Variants in SYNPO2L observed in about 807,000 individuals in gnomAD.
SYNPO2L encodes synaptopodin 2 like, also known as synaptopodin 2-like protein.
In SYNPO2L, 34 loss-of-function variants were observed where a neutral mutation model predicts 47.5. The observed-to-expected ratio is 0.72, with a 90% CI of 0.54 to 0.95. SYNPO2L has a LOEUF of 0.95. Among genes scored for constraint, SYNPO2L ranks in the 40% least tolerant of loss-of-function variants. SYNPO2L has a pLI of 0.00. For synonymous variants in SYNPO2L, 536 were observed against 524.9 expected (o/e 1.02, Z -0.29); for missense variants, 1,246 against 1,282.0 (o/e 0.97, Z 0.43).
rs2081735524 is a variant in SYNPO2L at position 73,645,368 on chromosome 10, A to C, written c.*1350T>G. ...CCAATATGGCATTGTCCCTCGCCAC[A>C]CTTCTGTCTGTGGCTCAATCACTTA... On this transcript the variant is annotated 3_prime_UTR_variant, in exon 4 of 4. Transcript: ENST00000394810. The C allele has an allele frequency of 6.8e-6, 7 of 1,030,384 alleles. No homozygotes were observed. The South Asian group carries it at 2.4e-4, about 35-fold the overall frequency. 63.8% of individuals were successfully genotyped at this position (1,030,384 alleles called of 1,614,324 possible). A position where few individuals can be genotyped will look rare whatever the true frequency, so the allele number is the denominator to read the frequency against.
In SYNPO2L at chr10:73,646,544, C is replaced by T. The variant is rs143952122; in HGVS notation, c.*174G>A. 50 of 1,261,404 alleles carry T rather than the reference C, an allele frequency of 4.0e-5. No individual in the cohort carries two copies. The highest frequency in any genetic ancestry group is 4.6e-5 in the Non-Finnish European group (46 of 1,003,470). The allele number at this position is 1,261,404 out of a possible 1,614,324, so 78.1% of individuals were successfully genotyped here. A position where few individuals can be genotyped will look rare whatever the true frequency, so the allele number is the denominator to read the frequency against. On this transcript the variant is annotated 3_prime_UTR_variant, in exon 4 of 4. Coordinates refer to ENST00000394810, the MANE Select transcript of SYNPO2L (RefSeq NM_001114133.3). ...GCAGACATACTTGGTTGGAAAGCGG[C>T]AGGGAGGTAGAGAGTGAGGAGGAAG... is the stretch of plus-strand genomic sequence containing the variant.
chr10:73,654,387 A>C (rs2081863742), intron 1 of SYNPO2L, 107 bp from the exon 2 acceptor site: 11 of 1,429,314 alleles, frequency 7.7e-6, no homozygotes, highest in Non-Finnish European at 1.0e-5. Flanking sequence ...TTTGCAGGGT[A>C]AGAAGGGTGG....
In SYNPO2L at chr10:73,645,196, C is replaced by T; in HGVS notation, c.*1522G>A. 8.7e-7 allele frequency: 1 copy of T among 1,152,328 alleles called. No homozygotes were observed. The highest frequency in any genetic ancestry group is 1.1e-6 in the Non-Finnish European group (1 of 923,570). The allele number at this position is 1,152,328 out of a possible 1,614,324, so 71.4% of individuals were successfully genotyped here. A position where few individuals can be genotyped will look rare whatever the true frequency, so the allele number is the denominator to read the frequency against. ...AGACTCAAGGAAAATCACACAGACACCAACCGTTCTTTCAACACTCAGCAC... is the reference window on the plus strand; with the variant it reads ...AGACTCAAGGAAAATCACACAGACATCAACCGTTCTTTCAACACTCAGCAC... On this transcript the variant is annotated 3_prime_UTR_variant, in exon 4 of 4. Transcript: ENST00000394810.
chr10:73,646,585 A>G lies in SYNPO2L; in HGVS notation c.*133T>C. ...GAGGAGGAAGGTGGGGGAAGGGGAC[A>G]TCAACTTGGAAACCATCTCTGGCAG... On this transcript the variant is annotated 3_prime_UTR_variant, in exon 4 of 4. Coordinates refer to ENST00000394810, the MANE Select transcript of SYNPO2L (RefSeq NM_001114133.3). The G allele has an allele frequency of 7.6e-7, 1 of 1,323,988 alleles. No homozygotes were observed. 82.0% of individuals were successfully genotyped at this position (1,323,988 alleles called of 1,614,324 possible). A position where few individuals can be genotyped will look rare whatever the true frequency, so the allele number is the denominator to read the frequency against.
In SYNPO2L at chr10:73,648,612, G is replaced by A. The variant is rs904008851; in HGVS notation, c.1040C>T (p.Thr347Ile). The A allele has an allele frequency of 7.4e-6, 12 of 1,614,112 alleles. No homozygotes were observed. The highest frequency in any genetic ancestry group is 8.5e-6 in the Non-Finnish European group (10 of 1,179,958). ...EEAFSDARSL[T>I]NQSDWDSPYL... Reference sequence around the variant, plus strand: ...GGGACTGTCCCAGTCAGATTGATTGGTGAGGCTGCGGGCGTCAGAGAAGGC... The same window carrying A: ...GGGACTGTCCCAGTCAGATTGATTGATGAGGCTGCGGGCGTCAGAGAAGGC... The change falls in exon 4 of 4, where the codon ACC (threonine) becomes ATC (isoleucine). Residue 347 changes from threonine to isoleucine, a missense_variant. Physicochemically the swap from Thr to Ile is moderately conservative, Grantham distance 89. Transcript: ENST00000394810.
rs752046738 is a variant in SYNPO2L, at chr10:73,652,608, T to C, written c.772+531A>G. 3.3e-5 allele frequency among the ~76,000 whole-genome samples: 5 copies of C among 152,226 alleles called. No individual in the cohort carries two copies. The South Asian group carries it at 1.0e-3, about 32-fold the overall frequency. Reference sequence around the variant, plus strand: ...TCGCTTGAACCCGGGAGGCGGAGGTTGCAATGAGCCAAGATCACGCCATTG... The same window carrying C: ...TCGCTTGAACCCGGGAGGCGGAGGTCGCAATGAGCCAAGATCACGCCATTG... On this transcript the variant is annotated intron_variant, in intron 3 of 3. Transcript: ENST00000394810.
intron 3 of SYNPO2L, chr10:73,650,949 G>T: frequency 1.2e-6 from 2 of 1,613,928 alleles, no homozygotes; most frequent in South Asian, 1.1e-5. Context: ...TGGGTCTGGG[G>T]CTTTGTCATA....
intron 3 of SYNPO2L, among the ~76,000 whole-genome samples, chr10:73,650,488 A>G (rs1589454215): frequency 6.6e-6 from 1 of 152,188 alleles, no homozygotes; most frequent in African/African-American, 2.4e-5. Flanking sequence ...TAGGATTGCT[A>G]TAAGGATTAA....
At position 73,648,772 on chromosome 10, in the gene SYNPO2L, C is replaced by T. The variant is rs769101035; in HGVS notation, c.880G>A (p.Gly294Arg). 7 of 1,610,864 alleles carry T rather than the reference C, an allele frequency of 4.3e-6. No homozygotes were observed. Among genetic ancestry groups the T allele is most frequent in the Non-Finnish European group, 5.9e-6 (7 of 1,178,122 alleles). Residue 294 changes from glycine to arginine, a missense_variant, in exon 4 of 4, where the codon GGG (glycine) becomes AGG (arginine). By Grantham distance (125) the Gly-to-Arg change is moderately radical. Around this residue, in one of 3 missense-constraint regions of SYNPO2L, gnomAD observed 1,037 missense variants for 1,021.5 expected, o/e 1.02. Coordinates refer to ENST00000394810, the MANE Select transcript of SYNPO2L (RefSeq NM_001114133.3). Reference sequence around the variant, plus strand: ...CGCCGTTTCTTAAACATAAGTACCCCTTTGGAGTGGGGGTTGGGGGCTGCA... The same window carrying T: ...CGCCGTTTCTTAAACATAAGTACCCTTTTGGAGTGGGGGTTGGGGGCTGCA... ...LTAAPNPHSK[G>R]VLMFKKRRQR...
At position 73,650,649 on chromosome 10, in the gene SYNPO2L, C is replaced by T. The variant is rs555304527; in HGVS notation, c.773-1770G>A. ...TTCTCCCATGACTCACACATACATG[C>T]CTTCATGTATTCATAATGTACTCAC... On this transcript the variant is annotated intron_variant, in intron 3 of 3. Coordinates refer to ENST00000394810, the MANE Select transcript of SYNPO2L (RefSeq NM_001114133.3). The T allele has an allele frequency of 1.6e-4, 151 of 944,624 alleles. 4 individuals are homozygous for T. In the South Asian group the frequency reaches 6.1e-3, roughly 38 times the overall value. The allele number at this position is 944,624 out of a possible 1,614,324, so 58.5% of individuals were successfully genotyped here.
In SYNPO2L at chr10:73,654,270, C is replaced by T; in HGVS notation, c.116G>A (p.Arg39Gln). 8 of 1,551,468 alleles carry T rather than the reference C, an allele frequency of 5.2e-6. No individual in the cohort carries two copies. Among genetic ancestry groups the T allele is most frequent in the South Asian group, 1.2e-5 (1 of 84,026 alleles). ...GAGTCCTGCTCTGCCAGCCTGGCTC[C>T]GTCTTCGAATCTGAGATGTTGAAGG... Reference protein sequence around the residue: ...KPLQVSKIRRRSQAGRAGLRE... With the variant: ...KPLQVSKIRRQSQAGRAGLRE... The change falls in exon 2 of 4, where the codon CGG becomes CAG. Residue 39 changes from arginine (R) to glutamine (Q), a missense_variant. Around this residue, in one of 3 missense-constraint regions of SYNPO2L, gnomAD observed 61 missense variants for 55.6 expected, o/e 1.10. Transcript: ENST00000394810.
Position 73,653,609 on chromosome 10 carries a change from A to G in SYNPO2L, c.302T>C (p.Leu101Pro), listed in dbSNP as rs575621227. The G allele has an allele frequency of 6.7e-5, 104 of 1,551,462 alleles. No individual in the cohort carries two copies. In the South Asian group the frequency reaches 1.0e-3, roughly 16 times the overall value. The change falls in exon 3 of 4, where the codon CTT becomes CCT. Residue 101 changes from leucine to proline, a missense_variant. Physicochemically the swap from Leu to Pro is moderately conservative, Grantham distance 98. Transcript: ENST00000394810. ...GPVQSPSPHELQVLSPLSPLS... is the reference protein window; with the variant it reads ...GPVQSPSPHEPQVLSPLSPLS... Reference sequence around the variant, plus strand: ...TGGAGATAAGGGTGACAGCACCTGAAGCTCATGGGGAGATGGAGATTGCAC... The same window carrying G: ...TGGAGATAAGGGTGACAGCACCTGAGGCTCATGGGGAGATGGAGATTGCAC...
Position 73,655,811 on chromosome 10 carries a change from C to A in SYNPO2L, c.105+7G>T. On this transcript the variant is annotated splice_region_variant and intron_variant, in intron 1 of 3. Coordinates refer to ENST00000394810, the MANE Select transcript of SYNPO2L (RefSeq NM_001114133.3). ...CCTGAAGCCTCATTTCAGGGGCTCT[C>A]CCTTACCTTAGACACCTGTAACGGT... The A allele has an allele frequency of 6.5e-7, 1 of 1,541,110 alleles. No homozygotes were observed. The highest frequency in any genetic ancestry group is 8.8e-7 in the Non-Finnish European group (1 of 1,140,700).
At chr10:73,649,002 C>G (rs2081814443) in intron 3 of SYNPO2L, 123 bp from the exon 4 acceptor site, 1 of 1,335,112 alleles carries the variant, frequency 7.5e-7, no homozygotes, top group Non-Finnish European at 9.6e-7. Context: ...CCACAATGTC[C>G]CCTGTGACAA....
chr10:73,646,638 CAG>C lies in SYNPO2L; in HGVS notation c.*78_*79del, dbSNP rs1017325699. The C allele has an allele frequency of 1.5e-6, 2 of 1,352,044 alleles. No homozygotes were observed. Among genetic ancestry groups the C allele is most frequent in the South Asian group, 2.7e-5 (1 of 36,862 alleles). The allele number at this position is 1,352,044 out of a possible 1,614,324, so 83.8% of individuals were successfully genotyped here. On this transcript the variant is annotated 3_prime_UTR_variant, in exon 4 of 4. Transcript: ENST00000394810. Reference sequence around the variant, plus strand: ...GGCAATTTAGCTTCCAGATGCGTGACAGGGGATGGGATAGGGTAGGAGAAGCA... The same window carrying C: ...GGCAATTTAGCTTCCAGATGCGTGACGGGATGGGATAGGGTAGGAGAAGCA...
intron 2 of SYNPO2L, 134 bp downstream of exon 2, chr10:73,653,995 T>C: frequency 8.3e-7 from 1 of 1,197,768 alleles, no homozygotes; most frequent in South Asian, 1.6e-5. Flanking sequence ...ACACAAACCA[T>C]CTGCACTCCA....
chr10:73,653,203 C>T lies in SYNPO2L; in HGVS notation c.708G>A (p.Gly236=). 6.8e-7 allele frequency: 1 copy of T among 1,478,928 alleles called. No individual in the cohort carries two copies. The highest frequency in any genetic ancestry group is 9.0e-7 in the Non-Finnish European group (1 of 1,110,120). 91.6% of individuals were successfully genotyped at this position (1,478,928 alleles called of 1,614,324 possible). ...RPGPHLIPMV[G]PVPHPVAEDL... ...CTTCTGCCACTGGGTGGGGAACAGGCCCCACCATAGGGATGAGATGAGGAC... is the reference window on the plus strand; with the variant it reads ...CTTCTGCCACTGGGTGGGGAACAGGTCCCACCATAGGGATGAGATGAGGAC... The change falls in exon 3 of 4, where the codon GGG becomes GGA. Residue 236 remains glycine (G), a synonymous_variant. Transcript: ENST00000394810.
chr10:73,648,786 T>A lies in SYNPO2L; in HGVS notation c.866A>T (p.Asn289Ile), dbSNP rs1368300756. The A allele has an allele frequency of 1.9e-6, 3 of 1,607,430 alleles. No individual in the cohort carries two copies. The highest frequency in any genetic ancestry group is 1.7e-6 in the Non-Finnish European group (2 of 1,176,296). ...CATAAGTACCCCTTTGGAGTGGGGG[T>A]TGGGGGCTGCAGTGAGCAGGGATGC... is the stretch of plus-strand genomic sequence containing the variant. ...TIASLLTAAP[N>I]PHSKGVLMFK... is the part of the protein sequence containing the mutation. Residue 289 changes from asparagine to isoleucine, a missense_variant, in exon 4 of 4, where the codon AAC becomes ATC. Asn to Ile is a moderately radical substitution (Grantham distance 149). Transcript: ENST00000394810.
chr10:73,650,897 G>A, intron 3 of SYNPO2L: 1 of 1,605,184 alleles, frequency 6.2e-7, no homozygotes, highest in South Asian at 1.1e-5. Context: ...ATAGATATGG[G>A]AGGGTAGTAC....
Sources: gnomAD v4.1 joint callset for allele counts (sites outside exome capture counted in the v4.1 genomes callset) on GRCh38, gnomAD v4.1.1 for gene constraint, gnomAD v4.1.1 regional missense constraint, MANE v1.5 for transcripts, NCBI Gene and HGNC (gene_info 2026-07-23, HGNC 2026-07-21) for gene names.